The following RIMS4 variants were observed in gnomAD, a reference collection of about 807,000 sequenced individuals.
RIMS4 encodes regulating synaptic membrane exocytosis 4, also known as regulating synaptic membrane exocytosis protein 4.
A neutral mutation model predicts 29.0 loss-of-function variants in RIMS4; 9 were observed. The observed-to-expected ratio is 0.31, with a 90% CI of 0.19 to 0.54. The LOEUF is 0.54. RIMS4 is among the 20% of genes least tolerant of loss of function. The pLI is 0.94. For missense variants in RIMS4, 193 were observed against 365.7 expected (o/e 0.53, Z 3.85); for synonymous variants, 130 against 152.9 (o/e 0.85, Z 1.10).
chr20:44,778,719 G>T (rs1337894044), intron 1 of RIMS4, among the ~76,000 whole-genome samples: 1 of 152,164 alleles, frequency 6.6e-6, no homozygotes, highest in Non-Finnish European at 1.5e-5. Context: ...TCAGTCAACA[G>T]CCTTTCACTA....
At chr20:44,765,223 A>G (rs2066108630) in intron 2 of RIMS4, among the ~76,000 whole-genome samples, 1 of 152,122 alleles carries the variant, frequency 6.6e-6, no homozygotes, top group African/African-American at 2.4e-5. Flanking sequence ...ACTGCGTTAT[A>G]CTGTCTCTAT....
At chr20:44,792,153 T>A (rs985896035) in intron 1 of RIMS4, among the ~76,000 whole-genome samples, 2 of 152,156 alleles carry the variant, frequency 1.3e-5, no homozygotes, top group African/African-American at 2.4e-5. Context: ...ATAACTTCAG[T>A]GCCCAGCACA....
In RIMS4 at chr20:44,779,807, C is replaced by T. The variant is rs537164352; in HGVS notation, c.98-8394G>A. ...GGTTACAGGGTATGCATTTGAAATG[C>T]CTTTTAGGTGGATTAACCACGGTGT... On this transcript the variant is annotated intron_variant, in intron 1 of 5. Transcript: ENST00000372851. 2.6e-5 allele frequency among the ~76,000 whole-genome samples: 4 copies of T among 152,106 alleles called. No homozygotes were observed. The South Asian group carries it at 6.3e-4, about 24-fold the overall frequency.
chr20:44,797,014 T>C (rs569882218), intron 1 of RIMS4, among the ~76,000 whole-genome samples: 1 of 152,244 alleles, frequency 6.6e-6, no homozygotes, highest in Non-Finnish European at 1.5e-5. Flanking sequence ...TGCATTTCTC[T>C]GCCTGAGGGC....
chr20:44,778,921 C>T (rs1184174994), intron 1 of RIMS4, among the ~76,000 whole-genome samples: 3 of 152,212 alleles, frequency 2.0e-5, no homozygotes, highest in Non-Finnish European at 4.4e-5. Flanking sequence ...AGAGTGTCCT[C>T]TTCTGCCAGT....
At chr20:44,777,922 C>A (rs1245963489) in intron 1 of RIMS4, among the ~76,000 whole-genome samples, 1 of 152,194 alleles carries the variant, frequency 6.6e-6, no homozygotes, top group East Asian at 1.9e-4. Flanking sequence ...GCGAAAGGCA[C>A]CAAGGCCCCT....
chr20:44,758,039 TA>T, intron 3 of RIMS4, 32 bp downstream of exon 3: 2 of 1,473,192 alleles, frequency 1.4e-6, no homozygotes, highest in Non-Finnish European at 1.9e-6. Flanking sequence ...CCAACTCCCC[TA>T]GTCCATTTGA....
At chr20:44,793,735 C>T (rs1279383030) in intron 1 of RIMS4, among the ~76,000 whole-genome samples, 2 of 152,032 alleles carry the variant, frequency 1.3e-5, no homozygotes, top group African/African-American at 4.8e-5. Context: ...TCCAGTAATG[C>T]TGGCGACCTG....
intron 1 of RIMS4, among the ~76,000 whole-genome samples, chr20:44,775,492 T>C (rs1396482410): frequency 6.6e-6 from 1 of 152,152 alleles, no homozygotes; most frequent in Admixed American, 6.5e-5. Flanking sequence ...TGCCCCTTCA[T>C]CAAAGACTAA....
chr20:44,794,463 T>C (rs1332917927), intron 1 of RIMS4, among the ~76,000 whole-genome samples: 1 of 152,238 alleles, frequency 6.6e-6, no homozygotes, highest in Non-Finnish European at 1.5e-5. Flanking sequence ...TTTAATTTTT[T>C]AAAGACTTAG....
intron 1 of RIMS4, among the ~76,000 whole-genome samples, chr20:44,781,145 A>G (rs2145462484): frequency 6.6e-6 from 1 of 152,294 alleles, no homozygotes; most frequent in South Asian, 2.1e-4. Context: ...GAAACAGATA[A>G]GTAATTATTA....
chr20:44,793,354 G>A (rs1211677430), intron 1 of RIMS4, among the ~76,000 whole-genome samples: 1 of 152,188 alleles, frequency 6.6e-6, no homozygotes, highest in Non-Finnish European at 1.5e-5. Context: ...TTCAAGGCCA[G>A]GACAGCTCAA....
intron 1 of RIMS4, among the ~76,000 whole-genome samples, chr20:44,775,408 T>C (rs1237802314): frequency 2.0e-5 from 3 of 152,202 alleles, no homozygotes; most frequent in African/African-American, 7.2e-5. Flanking sequence ...TTTGGGCTAC[T>C]GAGCCCATGT....
At chr20:44,788,015 AAAGTTT>A (rs1205737272) in intron 1 of RIMS4, among the ~76,000 whole-genome samples, 1 of 152,234 alleles carries the variant, frequency 6.6e-6, no homozygotes, top group African/African-American at 2.4e-5. Context: ...TGAGACACAC[AAAGTTT>A]AAGTAACTTG....
intron 1 of RIMS4, among the ~76,000 whole-genome samples, chr20:44,794,470 T>G (rs2066246282): frequency 6.6e-6 from 1 of 152,244 alleles, no homozygotes; most frequent in African/African-American, 2.4e-5. Flanking sequence ...TTTTAAAGAC[T>G]TAGACATTTA....
At chr20:44,757,139 G>T (rs1303118860) in intron 4 of RIMS4, 102 bp from the exon 5 acceptor site, 2 of 1,323,764 alleles carry the variant, frequency 1.5e-6, no homozygotes, top group East Asian at 2.3e-5. Context: ...GGAGATAGGT[G>T]TGCCCCCATG....
chr20:44,810,206 C>T lies in RIMS4; in HGVS notation c.66G>A (p.Pro22=). The T allele has an allele frequency of 6.3e-7, 1 of 1,588,758 alleles. No homozygotes were observed. Among genetic ancestry groups the T allele is most frequent in the Non-Finnish European group, 8.6e-7 (1 of 1,165,998 alleles). ...CCTCGTCGTCGAAGGAGTTCATGCA[C>T]GGGAAGTAGATGGCGAGCGCCTCGA... is the stretch of plus-strand genomic sequence containing the variant. The part of the protein sequence containing the change: ...ASFEALAIYF[P]CMNSFDDEDA... Residue 22 remains proline (P), a synonymous_variant, in exon 1 of 6, where the codon CCG becomes CCA. Coordinates refer to ENST00000372851, the MANE Select transcript of RIMS4 (RefSeq NM_182970.4).
intron 3 of RIMS4, 82 bp downstream of exon 3, chr20:44,757,990 G>T: frequency 9.0e-7 from 1 of 1,116,770 alleles, no homozygotes; most frequent in Non-Finnish European, 1.3e-6. Context: ...AACAGGCAAA[G>T]GGGAAGGAGG....
intron 2 of RIMS4, among the ~76,000 whole-genome samples, chr20:44,768,885 T>C (rs1212028637): frequency 6.6e-6 from 1 of 152,170 alleles, no homozygotes; most frequent in Non-Finnish European, 1.5e-5. Context: ...CAACAAACAG[T>C]GGCTTAATGA....
Sources: allele counts gnomAD v4.1 joint callset (sites outside exome capture counted in the v4.1 genomes callset), GRCh38; gene constraint gnomAD v4.1.1; transcripts MANE v1.5; gene names NCBI Gene and HGNC (gene_info 2026-07-23, HGNC 2026-07-21).